DNAJC6: variants seen among roughly 807,000 people sequenced by gnomAD.
The protein encoded by DNAJC6 is DnaJ heat shock protein family (Hsp40) member C6, also known as auxilin.
A neutral mutation model predicts 110.0 loss-of-function variants in DNAJC6; 34 were observed. The observed-to-expected ratio is 0.31, with a 90% confidence interval of 0.24 to 0.41. The LOEUF (loss-of-function observed/expected upper bound fraction) is 0.41, where lower values mean the gene tolerates loss of function less well. Ranked by LOEUF, DNAJC6 falls within the 10% of genes least tolerant of loss-of-function variation. The pLI is 1.00. For synonymous variants in DNAJC6, 406 were observed against 437.2 expected (o/e 0.93, Z 0.89); for missense variants, 1,031 against 1,207.8 (o/e 0.85, Z 2.17).
intron 1 of DNAJC6, among the ~76,000 whole-genome samples, chr1:65,324,638 C>T (rs184729137): frequency 2.0e-5 from 3 of 152,156 alleles, no homozygotes; most frequent in Non-Finnish European, 4.4e-5. Context: ...GGATTACAGG[C>T]GTGAGCCACT....
At chr1:65,331,793 A>G (rs553612317) in intron 1 of DNAJC6, among the ~76,000 whole-genome samples, 2 of 152,354 alleles carry the variant, frequency 1.3e-5, no homozygotes, top group African/African-American at 4.8e-5. Flanking sequence ...CCAAATTGGC[A>G]AAGACCATTG....
At chr1:65,320,023 T>C (rs1039250468) in intron 1 of DNAJC6, among the ~76,000 whole-genome samples, 1 of 152,216 alleles carries the variant, frequency 6.6e-6, no homozygotes, top group African/African-American at 2.4e-5. Context: ...TGTGTACGCA[T>C]GTGACTTAGT....
At chr1:65,400,581 T>C (rs563217326) in intron 14 of DNAJC6, among the ~76,000 whole-genome samples, 1 of 152,342 alleles carries the variant, frequency 6.6e-6, no homozygotes, top group East Asian at 1.9e-4. Flanking sequence ...GAACATGCAG[T>C]ATTTGTCTTT....
At position 65,312,201 on chromosome 1, in the gene DNAJC6, C is replaced by T. The variant is rs115871217; in HGVS notation, c.193+2263C>T. On this transcript the variant is annotated intron_variant, in intron 1 of 18. Transcript: ENST00000371069. ...AGGCTGCAGGGATTCCTTTTCTCCT[C>T]CCCTTATCCATCATTCACTCCTATA... 5.1e-3 allele frequency among the ~76,000 whole-genome samples: 778 copies of T among 152,288 alleles called. 7 individuals carry two copies. The highest frequency in any genetic ancestry group is 0.018 in the African/African-American group (742 of 41,554).
At chr1:65,390,165 G>GTT (rs1429354444) in intron 11 of DNAJC6, among the ~76,000 whole-genome samples, 1 of 152,118 alleles carries the variant, frequency 6.6e-6, no homozygotes, top group Non-Finnish European at 1.5e-5. Flanking sequence ...TCTCTGCTGT[G>GTT]TTTTTGGTCA....
chr1:65,356,296 G>C (rs1481598049), intron 1 of DNAJC6, among the ~76,000 whole-genome samples: 1 of 152,060 alleles, frequency 6.6e-6, no homozygotes, highest in East Asian at 1.9e-4. Flanking sequence ...ATTCTGACAG[G>C]CATGGTGGCT....
At chr1:65,396,703 T>C (rs1349542216) in intron 13 of DNAJC6, among the ~76,000 whole-genome samples, 3 of 152,242 alleles carry the variant, frequency 2.0e-5, no homozygotes, top group Non-Finnish European at 4.4e-5. Context: ...AATTAACTTA[T>C]GTGTTACATT....
At chr1:65,309,474 G>C (rs1010788397), upstream of DNAJC6, 4 of 1,091,690 alleles carry the variant, frequency 3.7e-6, no homozygotes, top group Non-Finnish European at 4.5e-6. Flanking sequence ...GCTCCGCGGC[G>C]TTGGCCCAGA....
At chr1:65,412,887 CTGTGGTATCTAA>C in intron 18 of DNAJC6, 25 bp from the exon 19 acceptor site, 1 of 1,555,724 alleles carries the variant, frequency 6.4e-7, no homozygotes, top group South Asian at 1.2e-5. Context: ...AAATTTTGGT[CTGTGGTATCTAA>C]TGTGTGTTTT....
At chr1:65,290,605 G>A (rs1002893678) in intron 1 of DNAJC6, among the ~76,000 whole-genome samples, 5 of 151,974 alleles carry the variant, frequency 3.3e-5, no homozygotes, top group Non-Finnish European at 7.4e-5. Context: ...TGTGATCTTC[G>A]GCAAGGCAGT....
rs139223941 is a variant in DNAJC6 at position 65,379,502 on chromosome 1, A to G, written c.644A>G (p.Asn215Ser). 22 of 1,614,014 alleles carry G rather than the reference A, an allele frequency of 1.4e-5. No homozygotes were observed. The highest frequency in any genetic ancestry group is 1.8e-5 in the Non-Finnish European group (21 of 1,179,952). ...MYNWLLQNPK[N>S]VCVVHCLDGR... ...AACTGGCTACTGCAGAATCCCAAAA[A>G]TGTCTGTGTTGTCCACTGCTTGGTG... is the stretch of plus-strand genomic sequence containing the variant. Residue 215 changes from asparagine (N) to serine (S), a missense_variant, in exon 5 of 19, where the codon AAT (asparagine) becomes AGT (serine). Physicochemically the swap from Asn to Ser is conservative, Grantham distance 46. Coordinates refer to ENST00000371069, the MANE Select transcript of DNAJC6 (RefSeq NM_001256864.2).
intron 1 of DNAJC6, among the ~76,000 whole-genome samples, chr1:65,294,425 A>AT (rs1341945525): frequency 6.6e-6 from 1 of 152,098 alleles, no homozygotes; most frequent in Admixed American, 6.5e-5. Flanking sequence ...AAATCACTTA[A>AT]TTTTTTTGAG....
intron 1 of DNAJC6, among the ~76,000 whole-genome samples, chr1:65,311,317 C>T (rs1009781858): frequency 9.1e-5 from 13 of 143,108 alleles, no homozygotes; most frequent in African/African-American, 3.1e-4. Context: ...CTCCGTTTCC[C>T]GGGTTCAAGC....
intron 12 of DNAJC6, among the ~76,000 whole-genome samples, chr1:65,393,561 T>G (rs1645949635): frequency 6.6e-6 from 1 of 152,234 alleles, no homozygotes; most frequent in Non-Finnish European, 1.5e-5. Context: ...GTAAGGAGTT[T>G]GAGCCCCTTG....
intron 1 of DNAJC6, among the ~76,000 whole-genome samples, chr1:65,359,596 G>A (rs1177994118): frequency 6.6e-6 from 1 of 152,190 alleles, no homozygotes; most frequent in Non-Finnish European, 1.5e-5. Flanking sequence ...AGGACCCTTA[G>A]TAAGCAGAGT....
At chr1:65,403,369 G>A (rs929093118) in intron 15 of DNAJC6, among the ~76,000 whole-genome samples, 8 of 152,190 alleles carry the variant, frequency 5.3e-5, no homozygotes, top group Non-Finnish European at 7.3e-5. Flanking sequence ...AAAAGGTTTA[G>A]AGGTTGATGT....
intron 8 of DNAJC6, among the ~76,000 whole-genome samples, 181 bp from the exon 9 acceptor site, chr1:65,388,155 A>G (rs1485238237): frequency 2.0e-5 from 3 of 152,210 alleles, no homozygotes; most frequent in Non-Finnish European, 4.4e-5. Flanking sequence ...GAGTTCAAGT[A>G]GAGGAGAGGC....
At chr1:65,381,741 T>C (rs972244315) in intron 5 of DNAJC6, among the ~76,000 whole-genome samples, 1 of 152,164 alleles carries the variant, frequency 6.6e-6, no homozygotes, top group African/African-American at 2.4e-5. Context: ...TTTTTAAAAC[T>C]GTGTTTGGAA....
intron 1 of DNAJC6, chr1:65,278,912 C>G: frequency 1.0e-6 from 1 of 956,096 alleles, no homozygotes; most frequent in Non-Finnish European, 1.2e-6. Context: ...GCGACATTCT[C>G]AGAATCCCAG....
Sources: allele counts gnomAD v4.1 joint callset (sites outside exome capture counted in the v4.1 genomes callset), GRCh38; gene constraint gnomAD v4.1.1; transcripts MANE v1.5; gene names NCBI Gene and HGNC (gene_info 2026-07-23, HGNC 2026-07-21).